HORMAD2: variants seen among roughly 807,000 people sequenced by gnomAD.
HORMAD2 encodes HORMA domain-containing protein 2.
HORMAD2 carries 45 observed loss-of-function variants against 38.8 expected under a neutral mutation model. The ratio of observed to expected loss-of-function variants is 1.16; its 90% CI spans 0.91 to 1.49. HORMAD2 has a LOEUF of 1.49. Among genes scored for constraint, HORMAD2 ranks in the 40% most tolerant of loss-of-function variants. The pLI, the probability that HORMAD2 is intolerant of heterozygous loss-of-function variation, is 0.00. For missense variants in HORMAD2, 338 were observed against 367.0 expected, an observed-to-expected ratio of 0.92 and a Z score of 0.65; for synonymous variants, 126 against 122.8, an observed-to-expected ratio of 1.03 and a Z score of -0.17.
chr22:30,131,412 T>C (rs1426758474), intron 10 of HORMAD2, among the ~76,000 whole-genome samples: 2 of 152,230 alleles, frequency 1.3e-5, no homozygotes, highest in Non-Finnish European at 2.9e-5. Context: ...TGTGTCTTTA[T>C]ACCTCCAAAT....
Position 30,124,256 on chromosome 22 carries a change from A to AACACACACACAC in HORMAD2, c.819+2068_819+2079dup, listed in dbSNP as rs10616156. 1.2e-3 allele frequency among the ~76,000 whole-genome samples: 183 copies of AACACACACACAC among 146,582 alleles called. 1 individual carries two copies. The highest frequency in any genetic ancestry group is 0.011 in the South Asian group (52 of 4,550). On this transcript the variant is annotated intron_variant, in intron 10 of 10. Coordinates refer to ENST00000336726, the MANE Select transcript of HORMAD2 (RefSeq NM_152510.4). ...TTGTTTTCCTTCATGGAATACATGG[A>AACACACACACAC]ACACACACACACACACACACACACA...
chr22:30,125,118 T>G (rs1367605978), intron 10 of HORMAD2, among the ~76,000 whole-genome samples: 1 of 152,076 alleles, frequency 6.6e-6, no homozygotes, highest in Non-Finnish European at 1.5e-5. Context: ...CCTCAATGGT[T>G]TAAAAAATAT....
chr22:30,181,405 G>A (rs1926711763), downstream of HORMAD2, among the ~76,000 whole-genome samples: 1 of 151,984 alleles, frequency 6.6e-6, no homozygotes, highest in Non-Finnish European at 1.5e-5. Flanking sequence ...GCTTCCAATT[G>A]CCTCTGTTCT....
intron 7 of HORMAD2, among the ~76,000 whole-genome samples, chr22:30,116,227 G>A (rs1217181017): frequency 6.6e-6 from 1 of 152,178 alleles, no homozygotes; most frequent in Non-Finnish European, 1.5e-5. Flanking sequence ...GCAAGGGAAA[G>A]TGGCCAGAGA....
chr22:30,127,239 C>T lies in HORMAD2; in HGVS notation c.819+5025C>T, dbSNP rs755118374. 2.8e-3 allele frequency among the ~76,000 whole-genome samples: 330 copies of T among 117,294 alleles called. 1 individual carries two copies. The highest frequency in any genetic ancestry group is 3.1e-3 in the Non-Finnish European group (188 of 61,450). 76.9% of individuals were successfully genotyped at this position (117,294 alleles called of 152,430 possible). On this transcript the variant is annotated intron_variant, in intron 10 of 10. Coordinates refer to ENST00000336726, the MANE Select transcript of HORMAD2 (RefSeq NM_152510.4). ...TTTTTTTTTTTTTGAGACGGAGTCT[C>T]GCTCTGTCGCCCAGGCTGGAGTGCA... is the stretch of plus-strand genomic sequence containing the variant.
chr22:30,102,136 C>T (rs1368924376), intron 3 of HORMAD2, among the ~76,000 whole-genome samples: 1 of 152,142 alleles, frequency 6.6e-6, no homozygotes, highest in African/African-American at 2.4e-5. Flanking sequence ...AGCACATAAA[C>T]ATGATATTTG....
the HORMAD2 span, among the ~76,000 whole-genome samples, chr22:30,206,341 T>G: frequency 6.6e-6 from 1 of 151,958 alleles, no homozygotes; most frequent in Admixed American, 6.6e-5. Context: ...TAATTTTGTA[T>G]TAGAGATGGG....
intron 3 of HORMAD2, among the ~76,000 whole-genome samples, chr22:30,101,416 A>T (rs1460295531): frequency 6.6e-6 from 1 of 150,862 alleles, no homozygotes; most frequent in Non-Finnish European, 1.5e-5. Context: ...GGGGAACATC[A>T]CACACTGGAG....
chr22:30,136,121 A>T (rs931762494), intron 10 of HORMAD2, among the ~76,000 whole-genome samples: 3 of 152,248 alleles, frequency 2.0e-5, no homozygotes, highest in African/African-American at 7.2e-5. Context: ...AAGTATGGAA[A>T]CAATTAGGTG....
At chr22:30,161,026 A>T (rs1458858624) in intron 10 of HORMAD2, among the ~76,000 whole-genome samples, 1 of 152,164 alleles carries the variant, frequency 6.6e-6, no homozygotes. Flanking sequence ...TAAAGTGAAA[A>T]TCTGACTTCT....
chr22:30,118,055 G>A (rs889322324), intron 7 of HORMAD2, among the ~76,000 whole-genome samples: 7 of 152,070 alleles, frequency 4.6e-5, no homozygotes, highest in African/African-American at 1.7e-4. Flanking sequence ...TGCTCTCATG[G>A]TTTTTATTTC....
chr22:30,101,933 T>C (rs925460628), intron 3 of HORMAD2, among the ~76,000 whole-genome samples: 2 of 151,988 alleles, frequency 1.3e-5, no homozygotes, highest in African/African-American at 4.8e-5. Flanking sequence ...CTGGCCATGG[T>C]GGTGAGTGCC....
At chr22:30,194,931 G>A in the HORMAD2 span, among the ~76,000 whole-genome samples, 12 of 152,220 alleles carry the variant, frequency 7.9e-5, no homozygotes, top group South Asian at 2.1e-4. Context: ...AGTGGCTCAC[G>A]CCTGTAATCC....
chr22:30,127,203 T>C (rs1301517695), intron 10 of HORMAD2, among the ~76,000 whole-genome samples: 1 of 66,476 alleles, frequency 1.5e-5, no homozygotes, highest in African/African-American at 5.5e-5. Context: ...GAAGTTCTTT[T>C]TTTTTTTTTT....
downstream of HORMAD2, among the ~76,000 whole-genome samples, chr22:30,182,046 C>G (rs1926742269): frequency 6.6e-6 from 1 of 152,196 alleles, no homozygotes; most frequent in African/African-American, 2.4e-5. Flanking sequence ...AACATTTTAT[C>G]AATCCTTTTT....
At chr22:30,182,401 T>TC in the HORMAD2 span, among the ~76,000 whole-genome samples, 3 of 151,902 alleles carry the variant, frequency 2.0e-5, no homozygotes. Flanking sequence ...TGGAGGGAGG[T>TC]CCTTTGTAGC....
chr22:30,194,940 C>G, the HORMAD2 span, among the ~76,000 whole-genome samples: 4 of 152,040 alleles, frequency 2.6e-5, no homozygotes, highest in South Asian at 8.3e-4. Context: ...CGCCTGTAAT[C>G]CCAGCACTTT....
chr22:30,145,364 A>G (rs150308750), intron 10 of HORMAD2, among the ~76,000 whole-genome samples: 3 of 152,360 alleles, frequency 2.0e-5, no homozygotes, highest in African/African-American at 7.2e-5. Context: ...CAAAATTCAC[A>G]GAACTGTACA....
chr22:30,190,069 C>T, the HORMAD2 span, among the ~76,000 whole-genome samples: 1 of 152,186 alleles, frequency 6.6e-6, no homozygotes, highest in African/African-American at 2.4e-5. Context: ...CTCTCAGGAC[C>T]ACTTATTAGC....
Sources: allele counts gnomAD v4.1 joint callset (sites outside exome capture counted in the v4.1 genomes callset), GRCh38; gene constraint gnomAD v4.1.1; transcripts MANE v1.5; gene names NCBI Gene and HGNC (gene_info 2026-07-23, HGNC 2026-07-21).